The following KLF7 variants were observed in gnomAD, a reference collection of about 807,000 sequenced individuals.
The protein encoded by KLF7 is KLF transcription factor 7.
Under a neutral mutation model 27.3 loss-of-function variants are expected in KLF7, and 2 were observed. The ratio of observed to expected loss-of-function variants is 0.07; its 90% CI spans 0.03 to 0.23. The LOEUF is 0.23. Among genes scored for constraint, KLF7 ranks in the 10% least tolerant of loss-of-function variants. KLF7 has a pLI of 1.00. For missense variants in KLF7, 221 were observed against 394.1 expected (o/e 0.56, Z 3.72); for synonymous variants, 165 against 162.4 (o/e 1.02, Z -0.12).
In KLF7 at chr2:207,124,269, G is replaced by A. The variant is rs1317883622; in HGVS notation, c.238C>T (p.Leu80=). 2 of 1,614,014 alleles carry A rather than the reference G, an allele frequency of 1.2e-6. No individual in the cohort carries two copies. The highest frequency in any genetic ancestry group is 1.3e-5 in the African/African-American group (1 of 74,900). ...IEESFRRLDP[L]LLPVEAAICE... Reference sequence around the variant, plus strand: ...ATGGCCGCTTCCACGGGGAGCAGCAGGGGGTCTAAGCGACGGAAGCTTTCC... The same window carrying A: ...ATGGCCGCTTCCACGGGGAGCAGCAAGGGGTCTAAGCGACGGAAGCTTTCC... Residue 80 remains leucine, a synonymous_variant, in exon 2 of 4, where the codon CTG becomes TTG. Coordinates refer to ENST00000309446, the MANE Select transcript of KLF7 (RefSeq NM_003709.4).
intron 2 of KLF7, among the ~76,000 whole-genome samples, chr2:207,111,264 T>C (rs1377224752): frequency 6.6e-6 from 1 of 152,192 alleles, no homozygotes; most frequent in Non-Finnish European, 1.5e-5. Flanking sequence ...GACTCTCCCA[T>C]TCCTGCTATG....
intron 1 of KLF7, among the ~76,000 whole-genome samples, chr2:207,140,701 A>C (rs2077917128): frequency 6.6e-6 from 1 of 152,162 alleles, no homozygotes; most frequent in Admixed American, 6.5e-5. Context: ...CCCTACATGG[A>C]GCCTAAACAT....
chr2:207,165,668 A>G lies in KLF7; in HGVS notation c.-100T>C. ...TCTGGCTCACCCCCCAAGAAGGCAG[A>G]CATCCAGTGGCCCTTTTGTTTTGTT... On this transcript the variant is annotated 5_prime_UTR_variant, in exon 1 of 4. Transcript: ENST00000309446. 2 of 1,574,038 alleles carry G rather than the reference A, an allele frequency of 1.3e-6. No homozygotes were observed. Among genetic ancestry groups the G allele is most frequent in the South Asian group, 1.1e-5 (1 of 88,600 alleles).
intron 1 of KLF7, among the ~76,000 whole-genome samples, chr2:207,125,677 A>G (rs996659334): frequency 6.6e-6 from 1 of 152,274 alleles, no homozygotes; most frequent in African/African-American, 2.4e-5. Flanking sequence ...TAAGAAAATC[A>G]GATTTTTAAC....
At chr2:207,159,499 C>T (rs2078481469) in intron 1 of KLF7, among the ~76,000 whole-genome samples, 1 of 152,140 alleles carries the variant, frequency 6.6e-6, no homozygotes, top group Non-Finnish European at 1.5e-5. Flanking sequence ...GCTTTCTCTG[C>T]CTTACTACAG....
At chr2:207,086,462 G>A (rs987500587) in intron 3 of KLF7, among the ~76,000 whole-genome samples, 1 of 151,986 alleles carries the variant, frequency 6.6e-6, no homozygotes, top group Non-Finnish European at 1.5e-5. Flanking sequence ...GCGGGACGCT[G>A]ATCTACTCAA....
the KLF7 span, among the ~76,000 whole-genome samples, chr2:207,173,354 C>T: frequency 1.3e-5 from 2 of 152,084 alleles, no homozygotes; most frequent in Non-Finnish European, 2.9e-5. Context: ...CTGGTCACCG[C>T]GGCAGTACTA....
intron 2 of KLF7, among the ~76,000 whole-genome samples, chr2:207,113,607 TG>T (rs532527898): frequency 0.33 from 21,396 of 64,686 alleles, 1,104 homozygotes; most frequent in East Asian, 0.44. Context: ...GAATGGGGGG[TG>T]GGGGGGGGGG....
At position 207,075,776 on chromosome 2, in the gene KLF7, G is replaced by C. The variant is rs1183191820; in HGVS notation, c.*5437C>G. ...AAGGAGATCTTGGCCATTAACAGGT[G>C]TATTTTTCCTCCCTGGAATGAAGCA... On this transcript the variant is annotated 3_prime_UTR_variant, in exon 4 of 4. Coordinates refer to ENST00000309446, the MANE Select transcript of KLF7 (RefSeq NM_003709.4). The C allele has an allele frequency of 2.0e-5, 3 of 152,018 alleles. No individual in the cohort carries two copies. The highest frequency in any genetic ancestry group is 4.4e-5 in the Non-Finnish European group (3 of 68,006). 9.4% of individuals were successfully genotyped at this position (152,018 alleles called of 1,614,324 possible).
At position 207,165,657 on chromosome 2, in the gene KLF7, C is replaced by A; in HGVS notation, c.-89G>T. The stretch of plus-strand genomic sequence containing the variant: ...TTGTCAGTCTGTCTGGCTCACCCCC[C>A]AAGAAGGCAGACATCCAGTGGCCCT... On this transcript the variant is annotated 5_prime_UTR_variant, in exon 1 of 4. Coordinates refer to ENST00000309446, the MANE Select transcript of KLF7 (RefSeq NM_003709.4). The A allele has an allele frequency of 1.9e-6, 3 of 1,586,704 alleles. No homozygotes were observed. The highest frequency in any genetic ancestry group is 1.7e-6 in the Non-Finnish European group (2 of 1,166,824).
At chr2:207,171,295 G>A (rs528927172), upstream of KLF7, among the ~76,000 whole-genome samples, 6 of 152,060 alleles carry the variant, frequency 3.9e-5, no homozygotes, top group East Asian at 9.6e-4. Context: ...TGCTTCTTAC[G>A]GATTAGCAAA....
chr2:207,155,554 C>A (rs1002520962), intron 1 of KLF7, among the ~76,000 whole-genome samples: 3 of 152,184 alleles, frequency 2.0e-5, no homozygotes, highest in African/African-American at 7.2e-5. Flanking sequence ...TTGTTACATT[C>A]TCATATGCAA....
At chr2:207,142,181 A>T (rs1018126065) in intron 1 of KLF7, among the ~76,000 whole-genome samples, 1 of 152,178 alleles carries the variant, frequency 6.6e-6, no homozygotes, top group Non-Finnish European at 1.5e-5. Context: ...TGAATTTTTT[A>T]AAAATCTTGA....
chr2:207,144,871 C>A (rs772003176), intron 1 of KLF7, among the ~76,000 whole-genome samples: 3 of 152,078 alleles, frequency 2.0e-5, no homozygotes, highest in African/African-American at 7.2e-5. Context: ...GGTTAAGTAC[C>A]CCCTGTTGCA....
intron 2 of KLF7, among the ~76,000 whole-genome samples, chr2:207,117,994 C>T (rs1288769088): frequency 1.3e-5 from 2 of 152,118 alleles, no homozygotes; most frequent in Admixed American, 6.5e-5. Context: ...AATACCTGTT[C>T]GCAGAAAGAC....
chr2:207,119,405 T>G (rs1248245587), intron 2 of KLF7, among the ~76,000 whole-genome samples: 4 of 129,644 alleles, frequency 3.1e-5, no homozygotes, highest in African/African-American at 8.6e-5. Context: ...CTTCTTTTTT[T>G]ACATAGAAAC....
intron 1 of KLF7, among the ~76,000 whole-genome samples, chr2:207,129,228 A>AGAACAAATTTCTCTG (rs1360209372): frequency 9.9e-5 from 15 of 152,196 alleles, no homozygotes; most frequent in African/African-American, 3.6e-4. Flanking sequence ...TGTTCAAATG[A>AGAACAAATTTCTCTG]TACTCTTGCC....
At chr2:207,121,171 G>A (rs2077330934) in intron 2 of KLF7, among the ~76,000 whole-genome samples, 1 of 152,166 alleles carries the variant, frequency 6.6e-6, no homozygotes, top group Non-Finnish European at 1.5e-5. Context: ...ATGCTTGCAT[G>A]TCTGGTTTAT....
chr2:207,167,363 G>C (rs2078744848), upstream of KLF7: 1 of 342,938 alleles, frequency 2.9e-6, no homozygotes, highest in African/African-American at 2.1e-5. Flanking sequence ...TCCACTTTTG[G>C]AATGATTGCA....
Sources: allele counts gnomAD v4.1 joint callset (sites outside exome capture counted in the v4.1 genomes callset), GRCh38; gene constraint gnomAD v4.1.1; transcripts MANE v1.5; gene names NCBI Gene and HGNC (gene_info 2026-07-23, HGNC 2026-07-21).